Variants in HEATR4 observed in about 807,000 individuals in gnomAD.
HEATR4 encodes the protein HEAT repeat-containing protein 4.
HEATR4 carries 95 observed loss-of-function variants against 108.8 expected under a neutral mutation model. That is an observed-to-expected ratio of 0.87 (90% CI 0.74 to 1.04). The LOEUF is 1.04. Ranked by LOEUF, HEATR4 falls within the 50% of genes least tolerant of loss-of-function variation. The probability of loss-of-function intolerance (pLI) is 0.00; values close to 1 mark genes in which losing one functional copy is unlikely to be tolerated. For synonymous variants in HEATR4, 443 were observed against 459.4 expected, an observed-to-expected ratio of 0.96 and a Z score of 0.46; for missense variants, 1,152 against 1,253.8, an observed-to-expected ratio of 0.92 and a Z score of 1.23.
rs934505098 is a variant in HEATR4, at chr14:73,497,010, C to T, written c.2547-331G>A. On this transcript the variant is annotated intron_variant, in intron 14 of 17. Coordinates refer to ENST00000553558, the MANE Select transcript of HEATR4 (RefSeq NM_001220484.1). ...TCCCAGGTTCAAGCGATTCTCCTGC[C>T]TCAGCCTCCTGAGTTGCTGGGACTA... is the stretch of plus-strand genomic sequence containing the variant. Among the ~76,000 whole-genome samples, 3 of 152,236 alleles carry T rather than the reference C, an allele frequency of 2.0e-5. No homozygotes were observed. In the South Asian group the frequency reaches 6.2e-4, roughly 31 times the overall value.
rs77181389 is a variant in HEATR4 at position 73,503,074 on chromosome 14, G to A, written c.1987-61C>T. 4.1e-4 allele frequency: 544 copies of A among 1,340,818 alleles called. 5 individuals carry two copies. In the East Asian group the frequency reaches 0.01, roughly 25 times the overall value. 83.1% of individuals were successfully genotyped at this position (1,340,818 alleles called of 1,614,324 possible). A position where few individuals can be genotyped will look rare whatever the true frequency, so the allele number is the denominator to read the frequency against. ...AATGAATGTTAATTTTGTGCTTGGCGTTGTGCTGTTTTTTCTTCTTTTTTT... is the reference window on the plus strand; with the variant it reads ...AATGAATGTTAATTTTGTGCTTGGCATTGTGCTGTTTTTTCTTCTTTTTTT... On this transcript the variant is annotated intron_variant, in intron 10 of 17. Coordinates refer to ENST00000553558, the MANE Select transcript of HEATR4 (RefSeq NM_001220484.1).
At chr14:73,590,763 T>C in the HEATR4 span, among the ~76,000 whole-genome samples, 6 of 151,654 alleles carry the variant, frequency 4.0e-5, no homozygotes, top group Non-Finnish European at 8.8e-5. Flanking sequence ...CACCCGGGAC[T>C]CGCGCTGGCC....
At chr14:73,589,112 T>C in the HEATR4 span, among the ~76,000 whole-genome samples, 2 of 151,828 alleles carry the variant, frequency 1.3e-5, no homozygotes, top group Non-Finnish European at 2.9e-5. Flanking sequence ...ATCTCTAGTT[T>C]GCTTTAGGGT....
the HEATR4 span, among the ~76,000 whole-genome samples, chr14:73,623,848 T>C: frequency 6.6e-6 from 1 of 151,988 alleles, no homozygotes; most frequent in African/African-American, 2.4e-5. Flanking sequence ...TTCCTTCCCC[T>C]CTTTCCTGCT....
intron 6 of HEATR4, among the ~76,000 whole-genome samples, chr14:73,513,248 C>A (rs1427983880): frequency 6.6e-6 from 1 of 152,204 alleles, no homozygotes; most frequent in African/African-American, 2.4e-5. Flanking sequence ...CACCTGAAGT[C>A]AGGAGTTCGA....
intron 5 of HEATR4, among the ~76,000 whole-genome samples, chr14:73,516,716 T>A (rs1346687427): frequency 6.6e-6 from 1 of 152,020 alleles, no homozygotes; most frequent in Non-Finnish European, 1.5e-5. Context: ...GAGTGGTGGG[T>A]GGGCAAGCAT....
the HEATR4 span, among the ~76,000 whole-genome samples, chr14:73,590,257 C>G: frequency 6.6e-6 from 1 of 152,166 alleles, no homozygotes; most frequent in African/African-American, 2.4e-5. Flanking sequence ...CACAAAAGTT[C>G]TCCACCTCCC....
intron 7 of HEATR4, among the ~76,000 whole-genome samples, chr14:73,509,876 AT>A (rs1887130381): frequency 2.4e-5 from 2 of 82,266 alleles, no homozygotes; most frequent in African/African-American, 8.9e-5. Flanking sequence ...ATATTTATTT[AT>A]TTTATATATT....
chr14:73,522,970 G>T lies in HEATR4; in HGVS notation c.183C>A (p.Ser61Arg). The change falls in exon 3 of 18, where the codon AGC (serine) becomes AGA (arginine). Residue 61 changes from serine (S) to arginine (R), a missense_variant. Transcript: ENST00000553558. ...FSSQYRLHRK[S>R]QYLKMAAANL... ...TTGCAGCAGCCATTTTCAAATATTG[G>T]CTCTTGCGGTGTAGACGGTACTGTG... 6.2e-7 allele frequency: 1 copy of T among 1,614,186 alleles called. No homozygotes were observed. The highest frequency in any genetic ancestry group is 1.1e-5 in the South Asian group (1 of 91,082).
At chr14:73,520,669 C>T (rs1887916585) in intron 4 of HEATR4, 183 bp downstream of exon 4, 2 of 578,398 alleles carry the variant, frequency 3.5e-6, no homozygotes, top group Non-Finnish European at 6.1e-6. Context: ...AGTTCCCTCC[C>T]TATTAGTTAT....
chr14:73,579,776 T>C, the HEATR4 span, among the ~76,000 whole-genome samples: 10 of 151,746 alleles, frequency 6.6e-5, no homozygotes, highest in African/African-American at 2.4e-4. Flanking sequence ...CCAATGGGCA[T>C]GGTTTTTAAA....
At chr14:73,506,816 T>TTTTTTTTTTTTTTTTTTTTG (rs1566830051) in intron 9 of HEATR4, among the ~76,000 whole-genome samples, 1 of 136,174 alleles carries the variant, frequency 7.3e-6, no homozygotes, top group Admixed American at 7.3e-5. Context: ...TTTTTTTTTT[T>TTTTTTTTTTTTTTTTTTTTG]TTTTTTTTTC....
intron 17 of HEATR4, among the ~76,000 whole-genome samples, chr14:73,488,160 T>A (rs1172832589): frequency 1.3e-5 from 2 of 152,172 alleles, no homozygotes; most frequent in African/African-American, 4.8e-5. Flanking sequence ...CCAAATCTCA[T>A]GTTGAATTGT....
At chr14:73,597,041 TC>T in the HEATR4 span, among the ~76,000 whole-genome samples, 1 of 152,032 alleles carries the variant, frequency 6.6e-6, no homozygotes, top group South Asian at 2.1e-4. Flanking sequence ...ACTACGCTTA[TC>T]ACAGTAAAAC....
chr14:73,608,085 T>C, the HEATR4 span, among the ~76,000 whole-genome samples: 1 of 151,922 alleles, frequency 6.6e-6, no homozygotes, highest in Non-Finnish European at 1.5e-5. Flanking sequence ...CCACTGTGCC[T>C]GCCTAATTTT....
chr14:73,599,143 C>T, the HEATR4 span, among the ~76,000 whole-genome samples: 1 of 152,020 alleles, frequency 6.6e-6, no homozygotes, highest in South Asian at 2.1e-4. Flanking sequence ...TTATCTCAGC[C>T]CAAGTGCCAG....
Position 73,492,268 on chromosome 14 carries a change from C to T in HEATR4, c.2844+798G>A. 3 of 1,614,038 alleles carry T rather than the reference C, an allele frequency of 1.9e-6. No individual in the cohort carries two copies. The highest frequency in any genetic ancestry group is 1.3e-5 in the African/African-American group (1 of 75,066). ...GCCAGGATGGAGTCCACTCTCTGCA[C>T]CTCACCTTGTCCACGTACCAGCGCA... On this transcript the variant is annotated intron_variant, in intron 17 of 17. Transcript: ENST00000553558. The surrounding 1 kb of genome is among the most constrained non-coding windows in gnomAD (Gnocchi z 4.9).
Position 73,498,339 on chromosome 14 carries a change from C to T in HEATR4, c.2362G>A (p.Gly788Arg), listed in dbSNP as rs1190247969. 1.3e-6 allele frequency: 2 copies of T among 1,596,822 alleles called. No individual in the cohort carries two copies. The highest frequency in any genetic ancestry group is 1.7e-4 in the Middle Eastern group (1 of 6,040). ...KIKAFAIRAL[G>R]QIGQVSPELT... The stretch of plus-strand genomic sequence containing the variant: ...TCGGGACTTACTTGCCCAATCTGTC[C>T]CAAAGCTGCAGAGATTAGAGGGCAG... Residue 788 changes from glycine (G) to arginine (R), a missense_variant, in exon 14 of 18, where the codon GGA (glycine) becomes AGA (arginine). By Grantham distance (125) the Gly-to-Arg change is moderately radical (BLOSUM62 -2). Coordinates refer to ENST00000553558, the MANE Select transcript of HEATR4 (RefSeq NM_001220484.1).
At chr14:73,573,516 C>A in the HEATR4 span, 1 of 1,613,454 alleles carries the variant, frequency 6.2e-7, no homozygotes, top group African/African-American at 1.3e-5. Flanking sequence ...CTATGAAGAC[C>A]TCCCCAAGAC....
Sources: allele counts gnomAD v4.1 joint callset (sites outside exome capture counted in the v4.1 genomes callset), GRCh38; gene constraint gnomAD v4.1.1; non-coding constraint Gnocchi (gnomAD v3.1); transcripts MANE v1.5; gene names NCBI Gene and HGNC (gene_info 2026-07-23, HGNC 2026-07-21).